SHANK2: variants seen among roughly 807,000 people sequenced by gnomAD.
SHANK2 encodes the protein SH3 and multiple ankyrin repeat domains 2.
Under a neutral mutation model 133.7 loss-of-function variants are expected in SHANK2, and 43 were observed. The observed-to-expected ratio is 0.32, with a 90% CI of 0.25 to 0.41. The LOEUF is 0.41. Ranked by LOEUF, SHANK2 falls within the 10% of genes least tolerant of loss-of-function variation. SHANK2 has a pLI of 1.00. For missense variants in SHANK2, 1,994 were observed against 2,235.8 expected, an observed-to-expected ratio of 0.89 and a Z score of 2.18; for synonymous variants, 1,017 against 952.8, an observed-to-expected ratio of 1.07 and a Z score of -1.24.
chr11:71,169,279 G>A (rs1555111733), intron 2 of SHANK2, among the ~76,000 whole-genome samples: 1 of 152,178 alleles, frequency 6.6e-6, no homozygotes, highest in Non-Finnish European at 1.5e-5. Context: ...ACATTTATCA[G>A]AAATAGCTCA....
At chr11:70,915,823 C>A (rs1377372681) in intron 10 of SHANK2, among the ~76,000 whole-genome samples, 1 of 152,180 alleles carries the variant, frequency 6.6e-6, no homozygotes, top group Non-Finnish European at 1.5e-5. Context: ...AAAATCAAGG[C>A]CATGCTTTAA....
rs7933518 is a variant in SHANK2, at chr11:71,154,759, G to A, written c.-12-7421C>T. On this transcript the variant is annotated intron_variant, in intron 2 of 25. Coordinates refer to ENST00000601538, the MANE Select transcript of SHANK2 (RefSeq NM_012309.5). ...CCAGAGGAGGGATGGACCTACCCCC[G>A]CCCACGCTCCCAGAGGGATGGACCT... 7.3e-5 allele frequency among the ~76,000 whole-genome samples: 4 copies of A among 54,812 alleles called. No individual in the cohort carries two copies. The East Asian group carries it at 1.5e-3, about 21-fold the overall frequency. 36.0% of individuals were successfully genotyped at this position (54,812 alleles called of 152,430 possible). A position where few individuals can be genotyped will look rare whatever the true frequency, so the allele number is the denominator to read the frequency against.
intron 1 of SHANK2, among the ~76,000 whole-genome samples, chr11:71,236,182 CA>C (rs1459396908): frequency 6.6e-6 from 1 of 152,184 alleles, no homozygotes; most frequent in African/African-American, 2.4e-5. Flanking sequence ...GCTCAATGGC[CA>C]GAGAAGGCAA....
At chr11:71,163,850 G>C (rs1405347879) in intron 2 of SHANK2, among the ~76,000 whole-genome samples, 1 of 152,206 alleles carries the variant, frequency 6.6e-6, no homozygotes, top group Non-Finnish European at 1.5e-5. Flanking sequence ...ACAGAAGGAA[G>C]AATGCAAAAT....
At chr11:70,704,576 G>A (rs1281505548) in intron 14 of SHANK2, among the ~76,000 whole-genome samples, 1 of 152,190 alleles carries the variant, frequency 6.6e-6, no homozygotes, top group Admixed American at 6.5e-5. Flanking sequence ...TTTCTGAGAT[G>A]TTCTGTAGTC....
intron 17 of SHANK2, among the ~76,000 whole-genome samples, chr11:70,540,395 G>A (rs182259745): frequency 6.6e-5 from 10 of 152,048 alleles, no homozygotes; most frequent in East Asian, 3.9e-4. Flanking sequence ...CTGTGGAGTC[G>A]AGGTGATGAA....
rs1949936459 is a variant in SHANK2 at position 70,896,499 on chromosome 11, A to G, written c.1174+2T>C. The G allele has an allele frequency of 1.4e-6, 1 of 717,340 alleles. No individual in the cohort carries two copies. The highest frequency in any genetic ancestry group is 2.6e-6 in the Non-Finnish European group (1 of 383,934). 44.4% of individuals were successfully genotyped at this position (717,340 alleles called of 1,614,324 possible). ...ACACAGTTTCTCCACGTGCCTACTC[A>G]CCAATGTCTGTTTCCTTGTGGTTCT... On this transcript the variant is annotated splice_donor_variant, in intron 11 of 25. Coordinates refer to ENST00000601538, the MANE Select transcript of SHANK2 (RefSeq NM_012309.5). LOFTEE classifies it high-confidence loss of function.
chr11:70,513,138 T>C (rs769863321), intron 17 of SHANK2, among the ~76,000 whole-genome samples: 1 of 151,784 alleles, frequency 6.6e-6, no homozygotes, highest in Non-Finnish European at 1.5e-5. Context: ...GGATGCATTA[T>C]GGTATGAGTC....
chr11:70,801,995 G>A lies in SHANK2; in HGVS notation c.1664-3439C>T, dbSNP rs906325018. 5.9e-5 allele frequency among the ~76,000 whole-genome samples: 9 copies of A among 152,262 alleles called. No individual in the cohort carries two copies. In the South Asian group the frequency reaches 8.3e-4, roughly 14 times the overall value. On this transcript the variant is annotated intron_variant, in intron 13 of 25. Transcript: ENST00000601538. The stretch of plus-strand genomic sequence containing the variant: ...AACCGAGGGGCAGGAGGAAGACTAC[G>A]GAAGCACAGAGGGGGTGCGGCGAGA...
intron 18 of SHANK2, 42 bp downstream of exon 18, chr11:70,502,753 CA>C: frequency 5.8e-6 from 8 of 1,390,672 alleles, no homozygotes; most frequent in African/African-American, 4.6e-5. Context: ...CCCCCCCCCC[CA>C]GTAGGGCCCC....
chr11:70,499,320 C>A (rs2059017040), intron 21 of SHANK2, among the ~76,000 whole-genome samples: 1 of 152,250 alleles, frequency 6.6e-6, no homozygotes, highest in Non-Finnish European at 1.5e-5. Context: ...GGGGTTGAGG[C>A]TCTGGAAGCT....
intron 25 of SHANK2, among the ~76,000 whole-genome samples, chr11:70,478,597 C>G (rs941858396): frequency 1.3e-5 from 2 of 152,332 alleles, no homozygotes; most frequent in Middle Eastern, 6.8e-3. Context: ...CCTTACCTAG[C>G]TTCCCCGAGG....
At chr11:71,177,026 G>A (rs1953460479) in intron 2 of SHANK2, among the ~76,000 whole-genome samples, 1 of 152,206 alleles carries the variant, frequency 6.6e-6, no homozygotes, top group African/African-American at 2.4e-5. Flanking sequence ...CAGATTTCTT[G>A]ATGGAAATGA....
chr11:70,716,471 T>A (rs1363533089), intron 14 of SHANK2, among the ~76,000 whole-genome samples: 1 of 152,218 alleles, frequency 6.6e-6, no homozygotes, highest in Non-Finnish European at 1.5e-5. Flanking sequence ...CCTGATCGTG[T>A]GGGAAGACAG....
At chr11:70,532,805 C>T (rs539870804) in intron 17 of SHANK2, among the ~76,000 whole-genome samples, 107 of 152,290 alleles carry the variant, frequency 7.0e-4, no homozygotes, top group African/African-American at 1.3e-3. Flanking sequence ...CCGACACGTG[C>T]GCATGAGTGT....
intron 17 of SHANK2, among the ~76,000 whole-genome samples, chr11:70,538,647 C>T (rs373502559): frequency 2.0e-5 from 3 of 152,220 alleles, no homozygotes; most frequent in African/African-American, 7.2e-5. Context: ...AGGTGGCTGT[C>T]ACTCTTGCTC....
intron 2 of SHANK2, among the ~76,000 whole-genome samples, chr11:71,156,404 G>A (rs1438928411): frequency 1.3e-5 from 2 of 152,140 alleles, no homozygotes; most frequent in Admixed American, 6.5e-5. Context: ...ACGGGATCCT[G>A]CCTCTGAGTT....
chr11:70,859,994 G>T lies in SHANK2; in HGVS notation c.1174+36507C>A, dbSNP rs539973755. Among the ~76,000 whole-genome samples the T allele has an allele frequency of 1.2e-4, 19 of 152,244 alleles. 1 individual carries two copies. Among genetic ancestry groups the T allele is most frequent in the Admixed American group, 9.8e-4 (15 of 15,292 alleles). ...TTGGCAACAACCCCACAGCGCCCAG[G>T]CTTGGCAGTCATCCTCGTGTGTTCC... On this transcript the variant is annotated intron_variant, in intron 11 of 25. Coordinates refer to ENST00000601538, the MANE Select transcript of SHANK2 (RefSeq NM_012309.5).
At chr11:70,888,865 C>G (rs2135615858) in intron 11 of SHANK2, among the ~76,000 whole-genome samples, 1 of 152,030 alleles carries the variant, frequency 6.6e-6, no homozygotes, top group Admixed American at 6.6e-5. Context: ...GAAAGGCTGA[C>G]TTGGAGTGAA....
Sources: allele counts gnomAD v4.1 joint callset (sites outside exome capture counted in the v4.1 genomes callset), GRCh38; gene constraint gnomAD v4.1.1; transcripts MANE v1.5; gene names NCBI Gene and HGNC (gene_info 2026-07-23, HGNC 2026-07-21).